Variants in ZNF277 observed in about 807,000 individuals in gnomAD.
ZNF277 encodes the protein nuclear receptor-interacting factor 4.
In ZNF277, 55 loss-of-function variants were observed where a neutral mutation model predicts 60.7. The observed-to-expected ratio is 0.91, with a 90% CI of 0.73 to 1.13. ZNF277 has a LOEUF of 1.13. Ranked by LOEUF, ZNF277 falls within the 50% of genes most tolerant of loss-of-function variation. ZNF277 has a pLI of 0.00. For synonymous variants in ZNF277, 178 were observed against 179.3 expected, an observed-to-expected ratio of 0.99 and a Z score of 0.06; for missense variants, 510 against 523.0, an observed-to-expected ratio of 0.98 and a Z score of 0.24.
At chr7:112,282,889 CAG>C (rs1395941529) in intron 1 of ZNF277, among the ~76,000 whole-genome samples, 1 of 152,202 alleles carries the variant, frequency 6.6e-6, no homozygotes, top group Non-Finnish European at 1.5e-5. Flanking sequence ...ATCTGTAAAA[CAG>C]AGATGGAAGT....
chr7:112,318,173 A>G lies in ZNF277; in HGVS notation c.466-9A>G. 2 of 1,607,560 alleles carry G rather than the reference A, an allele frequency of 1.2e-6. No individual in the cohort carries two copies. Among genetic ancestry groups the G allele is most frequent in the East Asian group, 2.2e-5 (1 of 44,820 alleles). On this transcript the variant is annotated splice_polypyrimidine_tract_variant and intron_variant, in intron 4 of 11. Coordinates refer to ENST00000361822, the MANE Select transcript of ZNF277 (RefSeq NM_021994.3). Reference sequence around the variant, plus strand: ...AAGATAATACCATAAATCTGTTTCTACTTTCCAGAGAGAAATTCTGGAACA... The same window carrying G: ...AAGATAATACCATAAATCTGTTTCTGCTTTCCAGAGAGAAATTCTGGAACA...
chr7:112,231,365 C>T (rs1354835294), intron 1 of ZNF277, among the ~76,000 whole-genome samples: 1 of 152,080 alleles, frequency 6.6e-6, no homozygotes, highest in African/African-American at 2.4e-5. Context: ...TATAATTTTT[C>T]TCTTATTGAA....
At chr7:112,338,401 C>T (rs1237159371) in intron 9 of ZNF277, among the ~76,000 whole-genome samples, 3 of 152,168 alleles carry the variant, frequency 2.0e-5, no homozygotes, top group Admixed American at 6.5e-5. Context: ...ACACACCCTG[C>T]ACCTCTGATC....
In ZNF277 at chr7:112,342,718, T is replaced by G. The variant is rs767872472; in HGVS notation, c.1342T>G (p.Leu448Val). The change falls in exon 12 of 12, where the codon TTG becomes GTG. Residue 448 changes from leucine to valine, a missense_variant. Physicochemically the swap from Leu to Val is conservative, Grantham distance 32 (BLOSUM62 1). Transcript: ENST00000361822. ...GAAACAAAGCAGTATTTTGAACCAGTTGCTACTATAAGAGTACTTGAAAAC... is the reference window on the plus strand; with the variant it reads ...GAAACAAAGCAGTATTTTGAACCAGGTGCTACTATAAGAGTACTTGAAAAC... ...ALKQSSILNQ[L>V]LL The G allele has an allele frequency of 8.1e-6, 13 of 1,601,330 alleles. No homozygotes were observed. The highest frequency in any genetic ancestry group is 1.1e-5 in the Non-Finnish European group (13 of 1,175,486).
chr7:112,211,700 G>A (rs1476174736), intron 1 of ZNF277, among the ~76,000 whole-genome samples: 1 of 152,170 alleles, frequency 6.6e-6, no homozygotes, highest in African/African-American at 2.4e-5. Context: ...CAAACTCTCT[G>A]TGTGGCATTT....
chr7:112,296,023 G>A, intron 3 of ZNF277, 66 bp downstream of exon 3: 9 of 1,233,844 alleles, frequency 7.3e-6, no homozygotes, highest in South Asian at 2.5e-5. Context: ...TAATCTTACT[G>A]TCTTATATTA....
intron 1 of ZNF277, among the ~76,000 whole-genome samples, chr7:112,248,870 C>T (rs1791140509): frequency 6.6e-6 from 1 of 152,068 alleles, no homozygotes; most frequent in African/African-American, 2.4e-5. Flanking sequence ...ACATGGGACA[C>T]CTTCTTACTT....
intron 1 of ZNF277, among the ~76,000 whole-genome samples, chr7:112,257,714 A>G (rs926834179): frequency 6.6e-6 from 1 of 152,194 alleles, no homozygotes; most frequent in Non-Finnish European, 1.5e-5. Context: ...TTCTCTAAGG[A>G]AGCAGCCATT....
intron 4 of ZNF277, among the ~76,000 whole-genome samples, chr7:112,308,817 G>T (rs1445454495): frequency 6.6e-6 from 1 of 152,076 alleles, no homozygotes; most frequent in Admixed American, 6.6e-5. Flanking sequence ...TGTTTTACTT[G>T]ACTCAAGAGC....
At chr7:112,310,453 T>TTGAGAGAGAGAGAGAGAGAGAGAG (rs1281837870) in intron 4 of ZNF277, among the ~76,000 whole-genome samples, 24 of 88,246 alleles carry the variant, frequency 2.7e-4, no homozygotes, top group African/African-American at 1.6e-3. Flanking sequence ...TAGGTTAGGT[T>TTGAGAGAGAGAGAGAGAGAGAGAG]TGAGAGAGAG....
At chr7:112,247,017 TTAACC>T (rs1408603478) in intron 1 of ZNF277, among the ~76,000 whole-genome samples, 2 of 151,990 alleles carry the variant, frequency 1.3e-5, no homozygotes, top group Admixed American at 1.3e-4. Flanking sequence ...TACCTACAAA[TTAACC>T]TAATAATGCC....
At chr7:112,238,649 T>G (rs781463594) in intron 1 of ZNF277, among the ~76,000 whole-genome samples, 2 of 151,510 alleles carry the variant, frequency 1.3e-5, no homozygotes, top group African/African-American at 2.4e-5. Flanking sequence ...AGAGACTCCA[T>G]CCTTGGTCTG....
At chr7:112,330,554 T>C (rs1584416856) in intron 7 of ZNF277, 4 of 259,456 alleles carry the variant, frequency 1.5e-5, no homozygotes, top group East Asian at 6.9e-5. Context: ...CTTTCTTTTT[T>C]TTTTTTTTTT....
Position 112,341,010 on chromosome 7 carries a change from C to A in ZNF277, c.1148C>A (p.Ser383Ter). The change falls in exon 11 of 12, where the codon TCG (serine) becomes TAG (stop). Residue 383 changes from serine to a stop codon, truncating the protein, a stop_gained. Transcript: ENST00000361822. LOFTEE classifies it high-confidence loss of function. ...CACATGGAAGAAACTAAACACACTT[C>A]GCTGCTCCCCGATAGAAAGACGTGG... ...RTHMEETKHT[S>*]LLPDRKTWDQ... 1.2e-6 allele frequency: 2 copies of A among 1,602,592 alleles called. No individual in the cohort carries two copies. Among genetic ancestry groups the A allele is most frequent in the Non-Finnish European group, 1.7e-6 (2 of 1,175,996 alleles).
intron 9 of ZNF277, among the ~76,000 whole-genome samples, chr7:112,338,773 G>T (rs889830770): frequency 3.9e-5 from 6 of 152,166 alleles, no homozygotes; most frequent in Non-Finnish European, 7.4e-5. Context: ...TCTTTGTATT[G>T]AAGGCAGCCT....
At chr7:112,296,665 A>G (rs1390935807) in intron 4 of ZNF277, among the ~76,000 whole-genome samples, 4 of 151,610 alleles carry the variant, frequency 2.6e-5, no homozygotes, top group Non-Finnish European at 5.9e-5. Context: ...TGAATTGATT[A>G]ACCTTTTTTT....
intron 1 of ZNF277, among the ~76,000 whole-genome samples, chr7:112,221,343 A>C (rs10266365): frequency 0.78 from 118,273 of 151,840 alleles, 46,338 homozygotes; most frequent in Middle Eastern, 0.84. Flanking sequence ...GTCAGAAAAC[A>C]AGAGGCTTGC....
At chr7:112,282,596 C>T (rs1237454146) in intron 1 of ZNF277, among the ~76,000 whole-genome samples, 3 of 152,232 alleles carry the variant, frequency 2.0e-5, no homozygotes, top group African/African-American at 7.2e-5. Flanking sequence ...CCTCTCCTCT[C>T]CTCTATCCAC....
chr7:112,327,566 A>T, intron 5 of ZNF277, 151 bp from the exon 6 acceptor site: 1 of 629,560 alleles, frequency 1.6e-6, no homozygotes, highest in East Asian at 2.9e-5. Flanking sequence ...ATACTTTATA[A>T]TGTCACTCTT....
Sources: gnomAD v4.1 joint callset for allele counts (sites outside exome capture counted in the v4.1 genomes callset) on GRCh38, gnomAD v4.1.1 for gene constraint, MANE v1.5 for transcripts, NCBI Gene and HGNC (gene_info 2026-07-23, HGNC 2026-07-21) for gene names.